GCNT2: variants seen among roughly 807,000 people sequenced by gnomAD.
GCNT2 encodes the protein N-acetyllactosaminide beta-1,6-N-acetylglucosaminyl-transferase.
Under a neutral mutation model 34.2 loss-of-function variants are expected in GCNT2, and 34 were observed. The observed-to-expected ratio is 1.00, with a 90% confidence interval of 0.76 to 1.32. The LOEUF (loss-of-function observed/expected upper bound fraction) is 1.32. Among genes scored for constraint, GCNT2 ranks in the 40% most tolerant of loss-of-function variants. The pLI, the probability that GCNT2 is intolerant of heterozygous loss-of-function variation, is 0.00. For synonymous variants in GCNT2, 212 were observed against 188.0 expected, an observed-to-expected ratio of 1.13 and a Z score of -1.04; for missense variants, 584 against 489.4, an observed-to-expected ratio of 1.19 and a Z score of -1.82.
chr6:10,596,310 TCAGGCATTCAAGAC>T (rs946493554), intron 3 of GCNT2, among the ~76,000 whole-genome samples: 6 of 152,224 alleles, frequency 3.9e-5, no homozygotes, highest in Non-Finnish European at 7.4e-5. Context: ...GATCACTAGG[TCAGGCATTCAAGAC>T]CAGCCTGGCC....
intron 3 of GCNT2, among the ~76,000 whole-genome samples, chr6:10,593,220 G>A (rs1433553642): frequency 2.0e-5 from 3 of 152,178 alleles, no homozygotes; most frequent in African/African-American, 7.2e-5. Context: ...CTAGCGGAAA[G>A]GATGAGCATT....
At chr6:10,574,560 T>C (rs1202766173) in intron 3 of GCNT2, among the ~76,000 whole-genome samples, 1 of 152,162 alleles carries the variant, frequency 6.6e-6, no homozygotes, top group Non-Finnish European at 1.5e-5. Context: ...TATAGGTGAT[T>C]GTAAAGATCC....
intron 3 of GCNT2, among the ~76,000 whole-genome samples, chr6:10,540,092 GAAAGGAAGGAAGGA>G (rs1479422235): frequency 4.0e-5 from 6 of 150,978 alleles, no homozygotes; most frequent in African/African-American, 1.2e-4. Context: ...AAAAAGGAAG[GAAAGGAAGGAAGGA>G]AAAGGAAGAA....
rs759212915 is a variant in GCNT2 at position 10,529,004 on chromosome 6, T to C, written c.93T>C (p.Asn31=). 9 of 1,613,906 alleles carry C rather than the reference T, an allele frequency of 5.6e-6. No individual in the cohort carries two copies. Among genetic ancestry groups the C allele is most frequent in the East Asian group, 2.2e-5 (1 of 44,896 alleles). The change falls in exon 3 of 5, where the codon AAT becomes AAC. Residue 31 remains asparagine (N), a synonymous_variant. Coordinates refer to ENST00000495262, the MANE Select transcript of GCNT2 (RefSeq NM_145649.5). ...VFVYNTELWE[N]KRFLRAALSN... ...TTTACAATACTGAGTTATGGGAGAA[T>C]AAACGTTTTCTGAGGGCAGCTCTGT...
chr6:10,528,749 GA>G lies in GCNT2; in HGVS notation c.-158del. ...GGTAAGTGAAGAGGGGAAGAAGAAA[GA>G]AAAAGGACCAGAACCGTGAACTGAA... On this transcript the variant is annotated 5_prime_UTR_variant, in exon 3 of 5. Coordinates refer to ENST00000495262, the MANE Select transcript of GCNT2 (RefSeq NM_145649.5). 1.5e-6 allele frequency: 1 copy of G among 662,810 alleles called. No individual in the cohort carries two copies. Among genetic ancestry groups the G allele is most frequent in the South Asian group, 1.7e-5 (1 of 59,300 alleles). 41.1% of individuals were successfully genotyped at this position (662,810 alleles called of 1,614,324 possible).
chr6:10,614,624 T>TAA (rs1765685776), intron 3 of GCNT2, among the ~76,000 whole-genome samples: 6 of 50,796 alleles, frequency 1.2e-4, no homozygotes, highest in African/African-American at 6.2e-4. Flanking sequence ...AGACTCTGTC[T>TAA]CAAAAAAAAA....
Position 10,527,622 on chromosome 6 carries a change from G to GA in GCNT2, c.-319dup, listed in dbSNP as rs1232208442. On this transcript the variant is annotated 5_prime_UTR_variant, in exon 2 of 5. The change abolishes the stop of an existing upstream ORF in the 5' untranslated region. Coordinates refer to ENST00000495262, the MANE Select transcript of GCNT2 (RefSeq NM_145649.5). ...ATCTGATTGGCATGGACTCACAGAG[G>GA]AGGGAGTAAGGGAAGAGTAAGAAGA... The GA allele has an allele frequency of 6.6e-6, 1 of 152,206 alleles. No individual in the cohort carries two copies. The highest frequency in any genetic ancestry group is 1.5e-5 in the Non-Finnish European group (1 of 68,056). The allele number at this position is 152,206 out of a possible 1,614,324, so 9.4% of individuals were successfully genotyped here.
At chr6:10,569,817 A>G (rs1479931690) in intron 3 of GCNT2, among the ~76,000 whole-genome samples, 2 of 143,510 alleles carry the variant, frequency 1.4e-5, no homozygotes, top group Non-Finnish European at 3.0e-5. Context: ...CTGAGCTCAT[A>G]TGGATTTCTT....
intron 3 of GCNT2, among the ~76,000 whole-genome samples, chr6:10,537,609 G>A (rs1372973096): frequency 6.7e-6 from 1 of 150,250 alleles, no homozygotes; most frequent in Non-Finnish European, 1.5e-5. Flanking sequence ...GCTGAAGCAG[G>A]GGAATCGCTT....
At chr6:10,586,237 A>G (rs2127413111) in intron 3 of GCNT2, 3 of 1,614,190 alleles carry the variant, frequency 1.9e-6, no homozygotes, top group East Asian at 2.2e-5. Context: ...CAGAATCACT[A>G]CATCACAAGT....
chr6:10,562,656 G>GAAA (rs57868433), intron 3 of GCNT2, among the ~76,000 whole-genome samples: 189 of 77,488 alleles, frequency 2.4e-3, no homozygotes, highest in Non-Finnish European at 3.0e-3. Flanking sequence ...GAACTTCTCT[G>GAAA]AAAAAAAAAA....
At chr6:10,555,915 GAAC>G (rs1019193613) in intron 3 of GCNT2, 84 of 1,001,018 alleles carry the variant, frequency 8.4e-5, no homozygotes, top group East Asian at 4.2e-4. Context: ...TCCTTGCCAC[GAAC>G]AACAAGAGAG....
At position 10,529,021 on chromosome 6, in the gene GCNT2, C is replaced by T. The variant is rs765836512; in HGVS notation, c.110C>T (p.Ala37Val). 1.1e-5 allele frequency: 17 copies of T among 1,613,886 alleles called. No individual in the cohort carries two copies. The highest frequency in any genetic ancestry group is 1.4e-5 in the Non-Finnish European group (16 of 1,179,896). ...ELWENKRFLR[A>V]ALSNASLLAE... The stretch of plus-strand genomic sequence containing the variant: ...TGGGAGAATAAACGTTTTCTGAGGG[C>T]AGCTCTGTCCAATGCTTCACTGTTA... The change falls in exon 3 of 5, where the codon GCA becomes GTA. Residue 37 changes from alanine to valine, a missense_variant. Physicochemically the swap from Ala to Val is moderately conservative, Grantham distance 64. Coordinates refer to ENST00000495262, the MANE Select transcript of GCNT2 (RefSeq NM_145649.5).
chr6:10,594,609 T>C, intron 3 of GCNT2, among the ~76,000 whole-genome samples: 1 of 152,186 alleles, frequency 6.6e-6, no homozygotes, highest in South Asian at 2.1e-4. Flanking sequence ...TGGGGTAAAA[T>C]GACAGGTTAG....
At chr6:10,617,737 G>A (rs1765845245) in intron 3 of GCNT2, among the ~76,000 whole-genome samples, 1 of 135,412 alleles carries the variant, frequency 7.4e-6, no homozygotes. Context: ...CCTGGCCAGA[G>A]TCTGCATTTC....
At chr6:10,569,923 T>TTC (rs1056125294) in intron 3 of GCNT2, among the ~76,000 whole-genome samples, 3 of 144,372 alleles carry the variant, frequency 2.1e-5, no homozygotes, top group Admixed American at 7.2e-5. Flanking sequence ...CTTCCTTCCT[T>TTC]TCTCTCTCTC....
At chr6:10,573,438 G>C in intron 3 of GCNT2, 1 of 247,470 alleles carries the variant, frequency 4.0e-6, no homozygotes, top group Non-Finnish European at 6.4e-6. Context: ...TCCCAGTGGG[G>C]TTGCTAGGGA....
chr6:10,527,820 A>G (rs1761273801), intron 2 of GCNT2, among the ~76,000 whole-genome samples, 160 bp downstream of exon 2: 1 of 151,886 alleles, frequency 6.6e-6, no homozygotes, highest in South Asian at 2.1e-4. Flanking sequence ...ATGTTATCTC[A>G]TTTTATTCTC....
intron 3 of GCNT2, among the ~76,000 whole-genome samples, chr6:10,536,447 C>A (rs549354401): frequency 2.0e-5 from 3 of 151,844 alleles, no homozygotes; most frequent in Non-Finnish European, 4.4e-5. Flanking sequence ...GTTCTCCTCC[C>A]GGGTTCACGC....
Sources: gnomAD v4.1 joint callset for allele counts (sites outside exome capture counted in the v4.1 genomes callset) on GRCh38, gnomAD v4.1.1 for gene constraint, MANE v1.5 for transcripts, NCBI Gene and HGNC (gene_info 2026-07-23, HGNC 2026-07-21) for gene names.